NMBR: variants seen among roughly 807,000 people sequenced by gnomAD.
The protein encoded by NMBR is neuromedin-B receptor.
A neutral mutation model predicts 20.5 loss-of-function variants in NMBR; 16 were observed. The observed-to-expected ratio is 0.78, with a 90% CI of 0.53 to 1.19. The LOEUF (loss-of-function observed/expected upper bound fraction) is 1.19, where lower values mean the gene tolerates loss of function less well. NMBR is among the 50% of genes most tolerant of loss of function. The pLI, the probability that NMBR is intolerant of heterozygous loss-of-function variation, is 0.00. For synonymous variants in NMBR, 212 were observed against 196.6 expected (o/e 1.08, Z -0.65); for missense variants, 582 against 499.1 (o/e 1.17, Z -1.58).
intron 1 of NMBR, among the ~76,000 whole-genome samples, chr6:142,121,730 A>T (rs1356356461): frequency 6.7e-6 from 1 of 149,894 alleles, no homozygotes; most frequent in Non-Finnish European, 1.5e-5. Flanking sequence ...ACATACTTTA[A>T]AACTCTGTTT....
chr6:142,129,749 A>G (rs527425916), intron 1 of NMBR, among the ~76,000 whole-genome samples: 52 of 152,302 alleles, frequency 3.4e-4, no homozygotes, highest in African/African-American at 1.2e-3. Flanking sequence ...AGTAGTCTGT[A>G]TAACAAGGAG....
At chr6:142,121,656 G>A (rs1404604331) in intron 1 of NMBR, among the ~76,000 whole-genome samples, 3 of 151,352 alleles carry the variant, frequency 2.0e-5, no homozygotes, top group African/African-American at 4.9e-5. Flanking sequence ...GTCTCAAGAT[G>A]TAACCTTGAA....
chr6:142,124,617 C>T (rs945490856), intron 1 of NMBR, among the ~76,000 whole-genome samples: 1 of 151,532 alleles, frequency 6.6e-6, no homozygotes. Flanking sequence ...ATGGCATATC[C>T]CCCGCCAAAA....
intron 2 of NMBR, among the ~76,000 whole-genome samples, chr6:142,080,906 G>A (rs1011789685): frequency 6.6e-6 from 1 of 152,144 alleles, no homozygotes; most frequent in Admixed American, 6.5e-5. Context: ...AGAAGAAAAT[G>A]TCACTTCTCT....
chr6:142,085,106 C>T (rs970721899), intron 2 of NMBR, among the ~76,000 whole-genome samples: 1 of 152,174 alleles, frequency 6.6e-6, no homozygotes, highest in South Asian at 2.1e-4. Flanking sequence ...CACTGTCTCT[C>T]CTCCAGCCAT....
chr6:142,111,471 C>T (rs994179708), intron 1 of NMBR, among the ~76,000 whole-genome samples: 1 of 152,064 alleles, frequency 6.6e-6, no homozygotes, highest in African/African-American at 2.4e-5. Context: ...TATGATTTCT[C>T]GGAATTTTCC....
intron 1 of NMBR, among the ~76,000 whole-genome samples, chr6:142,101,765 TGAGA>T (rs888264021): frequency 9.2e-5 from 14 of 152,206 alleles, no homozygotes; most frequent in African/African-American, 2.9e-4. Context: ...CTCACTTAGA[TGAGA>T]GAATGACCAA....
At chr6:142,087,159 G>C (rs978118924) in intron 2 of NMBR, among the ~76,000 whole-genome samples, 8 of 152,132 alleles carry the variant, frequency 5.3e-5, no homozygotes, top group African/African-American at 1.9e-4. Context: ...GTTTCCCTCA[G>C]TCAGGATTAA....
intron 1 of NMBR, among the ~76,000 whole-genome samples, chr6:142,117,683 CA>C (rs1228222211): frequency 4.0e-5 from 6 of 151,856 alleles, no homozygotes; most frequent in African/African-American, 1.4e-4. Context: ...AACCAAAGTT[CA>C]GTTCTACAAG....
At chr6:142,143,896 G>C (rs1778392320) in intron 1 of NMBR, among the ~76,000 whole-genome samples, 1 of 152,124 alleles carries the variant, frequency 6.6e-6, no homozygotes, top group African/African-American at 2.4e-5. Context: ...TATGGAATGG[G>C]AACAATCAAG....
At chr6:142,120,463 A>T (rs574418934) in intron 1 of NMBR, among the ~76,000 whole-genome samples, 1 of 151,982 alleles carries the variant, frequency 6.6e-6, no homozygotes, top group African/African-American at 2.4e-5. Flanking sequence ...TAGAGGTAGA[A>T]GCTAAACAGG....
intron 1 of NMBR, among the ~76,000 whole-genome samples, chr6:142,139,500 G>A (rs1046943343): frequency 2.0e-5 from 3 of 152,138 alleles, no homozygotes; most frequent in African/African-American, 7.2e-5. Flanking sequence ...GCAGATCTCT[G>A]GAGCTCTCTC....
chr6:142,078,993 GGAGA>G lies in NMBR; in HGVS notation c.423-94_423-91del, dbSNP rs532147380. The G allele has an allele frequency of 7.4e-4, 561 of 759,078 alleles. 1 individual carries two copies. The African/African-American group carries it at 9.8e-3, about 13-fold the overall frequency. 47.0% of individuals were successfully genotyped at this position (759,078 alleles called of 1,614,324 possible). ...AAGAAAGAAAAAGAAAGGAAGAAAG[GGAGA>G]GAGAGAGAAAGGAAGAAAGGGAGAG... On this transcript the variant is annotated intron_variant, in intron 2 of 3. Transcript: ENST00000258042.
intron 1 of NMBR, among the ~76,000 whole-genome samples, chr6:142,108,731 A>G (rs1432430200): frequency 6.6e-6 from 1 of 152,124 alleles, no homozygotes; most frequent in Non-Finnish European, 1.5e-5. Flanking sequence ...GAGCCACACC[A>G]TATCATTCTG....
chr6:142,142,611 C>T (rs1487905105), intron 1 of NMBR, among the ~76,000 whole-genome samples: 8 of 151,898 alleles, frequency 5.3e-5, no homozygotes, highest in African/African-American at 1.9e-4. Context: ...CTACTTTTTC[C>T]ATTTGTGTTT....
At chr6:142,137,413 T>G (rs1292420911) in intron 1 of NMBR, among the ~76,000 whole-genome samples, 2 of 152,318 alleles carry the variant, frequency 1.3e-5, no homozygotes, top group African/African-American at 4.8e-5. Context: ...AATGGGGTTT[T>G]CTAGATATAC....
rs74388925 is a variant in NMBR, at chr6:142,146,112, T to C, written c.-664+932A>G. 5.1e-3 allele frequency among the ~76,000 whole-genome samples: 782 copies of C among 152,126 alleles called. 8 individuals carry two copies. The highest frequency in any genetic ancestry group is 0.017 in the African/African-American group (726 of 41,512). On this transcript the variant is annotated intron_variant, in intron 1 of 3. Coordinates refer to ENST00000258042, the MANE Select transcript of NMBR (RefSeq NM_002511.4). ...AGTGGTAGGAAATATGCCGCTGAGA[T>C]TGGGGAAGAAGACAGAACTGAGTTT... is the stretch of plus-strand genomic sequence containing the variant.
chr6:142,128,498 G>C lies in NMBR; in HGVS notation c.-664+18546C>G, dbSNP rs1268817132. On this transcript the variant is annotated intron_variant, in intron 1 of 3. Transcript: ENST00000258042. ...TTTTCCATTGATTATGATGTTAGCA[G>C]TGGGCTTTTCATATATGGCCTTTAT... Among the ~76,000 whole-genome samples, 6 of 152,016 alleles carry C rather than the reference G, an allele frequency of 3.9e-5. No individual in the cohort carries two copies. The South Asian group carries it at 6.2e-4, about 16-fold the overall frequency.
intron 2 of NMBR, among the ~76,000 whole-genome samples, chr6:142,082,616 G>T (rs183913637): frequency 2.6e-5 from 4 of 152,194 alleles, no homozygotes; most frequent in African/African-American, 9.7e-5. Context: ...ATGATAAGCC[G>T]GGTTTAGAAA....
Sources: gnomAD v4.1 joint callset for allele counts (sites outside exome capture counted in the v4.1 genomes callset) on GRCh38, gnomAD v4.1.1 for gene constraint, MANE v1.5 for transcripts, NCBI Gene and HGNC (gene_info 2026-07-23, HGNC 2026-07-21) for gene names.